TSPAN5: variants seen among roughly 807,000 people sequenced by gnomAD.
TSPAN5 encodes the protein tetraspanin 5.
TSPAN5 carries 10 observed loss-of-function variants against 37.1 expected under a neutral mutation model. The observed-to-expected ratio is 0.27, with a 90% CI of 0.17 to 0.46. The LOEUF (loss-of-function observed/expected upper bound fraction) is 0.46, where lower values mean the gene tolerates loss of function less well. TSPAN5 is among the 20% of genes least tolerant of loss of function. The probability of loss-of-function intolerance (pLI) is 1.00; values close to 1 mark genes in which losing one functional copy is unlikely to be tolerated. For synonymous variants in TSPAN5, 110 were observed against 118.9 expected, an observed-to-expected ratio of 0.93 and a Z score of 0.48; for missense variants, 195 against 326.6, an observed-to-expected ratio of 0.60 and a Z score of 3.11.
chr4:98,516,676 G>C (rs991030260), intron 1 of TSPAN5, among the ~76,000 whole-genome samples: 1 of 152,224 alleles, frequency 6.6e-6, no homozygotes, highest in Non-Finnish European at 1.5e-5. Flanking sequence ...TTAGTGGGAG[G>C]TGTTTGGGTC....
intron 1 of TSPAN5, among the ~76,000 whole-genome samples, chr4:98,550,748 ATTGAT>A (rs1754597670): frequency 6.6e-6 from 1 of 152,094 alleles, no homozygotes. Flanking sequence ...ACCTTACTGA[ATTGAT>A]TTATCAAATC....
At chr4:98,621,549 T>C (rs1325331805) in intron 1 of TSPAN5, among the ~76,000 whole-genome samples, 2 of 151,968 alleles carry the variant, frequency 1.3e-5, no homozygotes, top group East Asian at 3.9e-4. Flanking sequence ...TTTGTATTTT[T>C]AGTAGAGACG....
chr4:98,620,983 A>G (rs9686007), intron 1 of TSPAN5, among the ~76,000 whole-genome samples: 1 of 151,600 alleles, frequency 6.6e-6, no homozygotes, highest in Non-Finnish European at 1.5e-5. Flanking sequence ...ACGTGACTTT[A>G]TTTGGAAATA....
intron 1 of TSPAN5, among the ~76,000 whole-genome samples, chr4:98,613,631 C>A (rs1756252947): frequency 6.6e-6 from 1 of 152,018 alleles, no homozygotes; most frequent in Non-Finnish European, 1.5e-5. Flanking sequence ...ATATGCCAAC[C>A]TTTCCCCATA....
At chr4:98,506,113 A>G (rs1753473574) in intron 2 of TSPAN5, among the ~76,000 whole-genome samples, 1 of 152,232 alleles carries the variant, frequency 6.6e-6, no homozygotes, top group African/African-American at 2.4e-5. Context: ...TTGCTAGAAC[A>G]GATAATTAGT....
intron 1 of TSPAN5, among the ~76,000 whole-genome samples, chr4:98,529,697 T>C (rs1754039398): frequency 6.6e-6 from 1 of 152,232 alleles, no homozygotes; most frequent in Admixed American, 6.5e-5. Flanking sequence ...TGAGAAGATC[T>C]ATTGGCAATA....
chr4:98,657,698 G>T, intron 1 of TSPAN5: 1 of 235,996 alleles, frequency 4.2e-6, no homozygotes, highest in Non-Finnish European at 8.3e-6. Flanking sequence ...GCAACACGGA[G>T]CCAAGCCCTC....
At chr4:98,472,885 C>CT (rs1425393727) in intron 7 of TSPAN5, among the ~76,000 whole-genome samples, 1 of 152,170 alleles carries the variant, frequency 6.6e-6, no homozygotes, top group Non-Finnish European at 1.5e-5. Flanking sequence ...AATCTACTTC[C>CT]TGCCTCTGTG....
intron 4 of TSPAN5, among the ~76,000 whole-genome samples, chr4:98,479,657 T>C (rs1311176696): frequency 6.6e-6 from 1 of 152,162 alleles, no homozygotes; most frequent in Non-Finnish European, 1.5e-5. Context: ...CTCTTTAGGG[T>C]TAAGGCATAC....
chr4:98,592,425 T>G (rs1755663760), intron 1 of TSPAN5, among the ~76,000 whole-genome samples: 1 of 102,814 alleles, frequency 9.7e-6, no homozygotes, highest in Admixed American at 1.1e-4. Flanking sequence ...ATCTCTGTTT[T>G]TTGTTTTTTT....
intron 7 of TSPAN5, 75 bp downstream of exon 7, chr4:98,476,114 C>A: frequency 1.7e-6 from 2 of 1,172,044 alleles, no homozygotes; most frequent in South Asian, 1.3e-5. Flanking sequence ...GGTTTTTAAG[C>A]AAAGCTCCGA....
chr4:98,512,472 C>T (rs1753630420), intron 1 of TSPAN5, among the ~76,000 whole-genome samples: 1 of 152,168 alleles, frequency 6.6e-6, no homozygotes, highest in Non-Finnish European at 1.5e-5. Context: ...GAGAACAGCC[C>T]TCAGGCAGGC....
At chr4:98,606,633 CTAT>C (rs1421083914) in intron 1 of TSPAN5, among the ~76,000 whole-genome samples, 1 of 152,110 alleles carries the variant, frequency 6.6e-6, no homozygotes, top group Non-Finnish European at 1.5e-5. Flanking sequence ...GACAAAAAAG[CTAT>C]TATTAGCAAC....
intron 1 of TSPAN5, among the ~76,000 whole-genome samples, chr4:98,552,346 T>G (rs1754642324): frequency 1.3e-5 from 2 of 152,220 alleles, no homozygotes; most frequent in Non-Finnish European, 2.9e-5. Flanking sequence ...TAAACTTCCC[T>G]CTTAGTACTG....
At chr4:98,553,853 G>A (rs1754676130) in intron 1 of TSPAN5, among the ~76,000 whole-genome samples, 1 of 152,074 alleles carries the variant, frequency 6.6e-6, no homozygotes, top group Non-Finnish European at 1.5e-5. Flanking sequence ...GATCACTTGA[G>A]GTCAGAAGTT....
chr4:98,604,310 A>G (rs1385455493), intron 1 of TSPAN5, among the ~76,000 whole-genome samples: 7 of 152,186 alleles, frequency 4.6e-5, no homozygotes, highest in East Asian at 1.9e-4. Flanking sequence ...ATTTTAGTCA[A>G]TTCCCGGGCT....
intron 1 of TSPAN5, among the ~76,000 whole-genome samples, chr4:98,568,832 A>G (rs1215513707): frequency 1.3e-5 from 2 of 152,266 alleles, no homozygotes; most frequent in African/African-American, 4.8e-5. Context: ...TCTAAGGGTA[A>G]GAATGTCAAT....
At chr4:98,482,201 G>A (rs1752854813) in intron 3 of TSPAN5, 26 bp from the exon 4 acceptor site, 1 of 1,609,568 alleles carries the variant, frequency 6.2e-7, no homozygotes, top group Non-Finnish European at 8.5e-7. Flanking sequence ...CATACACAGA[G>A]AACAGTTATA....
At chr4:98,548,766 T>C (rs1754529255) in intron 1 of TSPAN5, among the ~76,000 whole-genome samples, 1 of 152,190 alleles carries the variant, frequency 6.6e-6, no homozygotes, top group African/African-American at 2.4e-5. Flanking sequence ...CAAGTGAGAA[T>C]GTGTGGCATT....
Sources: allele counts gnomAD v4.1 joint callset (sites outside exome capture counted in the v4.1 genomes callset), GRCh38; gene constraint gnomAD v4.1.1; transcripts MANE v1.5; gene names NCBI Gene and HGNC (gene_info 2026-07-23, HGNC 2026-07-21).